The following DGKI variants were observed in gnomAD, a reference collection of about 807,000 sequenced individuals.
DGKI encodes DAG kinase iota.
Under a neutral mutation model 147.5 loss-of-function variants are expected in DGKI, and 55 were observed. That is an observed-to-expected ratio of 0.37 (90% CI 0.30 to 0.47). The LOEUF (loss-of-function observed/expected upper bound fraction) is 0.47, where lower values mean the gene tolerates loss of function less well. DGKI is among the 20% of genes least tolerant of loss of function. The probability of loss-of-function intolerance (pLI) is 1.00; values close to 1 mark genes in which losing one functional copy is unlikely to be tolerated. For synonymous variants in DGKI, 469 were observed against 477.1 expected (o/e 0.98, Z 0.22); for missense variants, 1,007 against 1,323.8 (o/e 0.76, Z 3.71).
At chr7:137,468,224 T>C (rs919529947) in intron 24 of DGKI, among the ~76,000 whole-genome samples, 7 of 152,158 alleles carry the variant, frequency 4.6e-5, no homozygotes, top group African/African-American at 9.7e-5. Flanking sequence ...AACCTAAGAA[T>C]AGAATAAAAT....
chr7:137,535,125 G>A (rs1003915927), intron 20 of DGKI, among the ~76,000 whole-genome samples: 1 of 152,124 alleles, frequency 6.6e-6, no homozygotes, highest in African/African-American at 2.4e-5. Flanking sequence ...GTGGTACTTT[G>A]TTATGGCAGT....
At chr7:137,394,250 G>A (rs1047686487) in intron 32 of DGKI, among the ~76,000 whole-genome samples, 7 of 152,112 alleles carry the variant, frequency 4.6e-5, no homozygotes, top group Non-Finnish European at 7.4e-5. Flanking sequence ...ATGGAAATTC[G>A]TAAACTTTCT....
At chr7:137,546,742 A>T (rs1290193139) in intron 20 of DGKI, among the ~76,000 whole-genome samples, 1 of 152,116 alleles carries the variant, frequency 6.6e-6, no homozygotes, top group Non-Finnish European at 1.5e-5. Flanking sequence ...TCTCTTATTT[A>T]AAGAGTTTCA....
rs115134724 is a variant in DGKI, at chr7:137,554,443, C to T, written c.1948-1875G>A. On this transcript the variant is annotated intron_variant, in intron 19 of 32. Transcript: ENST00000614521. ...CTAGCATGTGTTAGTCTTCTGAGAA[C>T]GTCAGATATTGCTTTTCTGTGACTT... 5.9e-3 allele frequency among the ~76,000 whole-genome samples: 893 copies of T among 152,226 alleles called. 6 individuals are homozygous for T. The highest frequency in any genetic ancestry group is 0.021 in the African/African-American group (854 of 41,522).
intron 30 of DGKI, among the ~76,000 whole-genome samples, chr7:137,402,732 C>G (rs897498366): frequency 6.6e-6 from 1 of 152,144 alleles, no homozygotes; most frequent in Non-Finnish European, 1.5e-5. Flanking sequence ...CCAAATCCTC[C>G]CCTGCCACAG....
chr7:137,769,630 GA>G (rs929667916), intron 1 of DGKI, among the ~76,000 whole-genome samples: 1 of 149,838 alleles, frequency 6.7e-6, no homozygotes, highest in African/African-American at 2.5e-5. Flanking sequence ...AAATTTACAA[GA>G]AAAAAAAACA....
chr7:137,417,996 A>G (rs895681582), intron 28 of DGKI, among the ~76,000 whole-genome samples: 9 of 152,230 alleles, frequency 5.9e-5, no homozygotes, highest in Admixed American at 2.6e-4. Flanking sequence ...TCCTAGCAGC[A>G]GGAACAGACT....
intron 19 of DGKI, among the ~76,000 whole-genome samples, chr7:137,554,914 C>CTTTTTTT (rs757320303): frequency 5.3e-4 from 57 of 107,406 alleles, no homozygotes; most frequent in East Asian, 1.1e-3. Context: ...AAACTATTTT[C>CTTTTTTT]TTTTTTTTTT....
In DGKI at chr7:137,654,656, T is replaced by C. The variant is rs1822154657; in HGVS notation, c.738+76A>G. Reference sequence around the variant, plus strand: ...GAGATAGAATTTATTTTTTATTCCCTGGTGAATATCTATGAATCCACTGAA... The same window carrying C: ...GAGATAGAATTTATTTTTTATTCCCCGGTGAATATCTATGAATCCACTGAA... On this transcript the variant is annotated intron_variant, in intron 5 of 32. Transcript: ENST00000614521. 29 of 1,067,638 alleles carry C rather than the reference T, an allele frequency of 2.7e-5. No individual in the cohort carries two copies. In the South Asian group the frequency reaches 3.6e-4, roughly 13 times the overall value. 66.1% of individuals were successfully genotyped at this position (1,067,638 alleles called of 1,614,324 possible). A position where few individuals can be genotyped will look rare whatever the true frequency, so the allele number is the denominator to read the frequency against.
At chr7:137,474,796 G>A (rs968398755) in intron 23 of DGKI, among the ~76,000 whole-genome samples, 1 of 152,180 alleles carries the variant, frequency 6.6e-6, no homozygotes, top group Non-Finnish European at 1.5e-5. Flanking sequence ...AAGCCCAGAG[G>A]CGGCGGAAGG....
chr7:137,556,924 G>A (rs1312410168), intron 19 of DGKI, among the ~76,000 whole-genome samples: 1 of 152,044 alleles, frequency 6.6e-6, no homozygotes, highest in Non-Finnish European at 1.5e-5. Flanking sequence ...ATTTAACTCA[G>A]TAGACTTTGA....
At chr7:137,706,663 C>T (rs1794040690) in intron 1 of DGKI, among the ~76,000 whole-genome samples, 1 of 151,596 alleles carries the variant, frequency 6.6e-6, no homozygotes, top group East Asian at 1.9e-4. Context: ...ACCTCCGCCT[C>T]CCGGGTTCAA....
chr7:137,824,555 T>C (rs1798001372), intron 1 of DGKI, among the ~76,000 whole-genome samples: 1 of 151,950 alleles, frequency 6.6e-6, no homozygotes, highest in Non-Finnish European at 1.5e-5. Flanking sequence ...ATGGAATTAT[T>C]GGGTTTTATT....
chr7:137,495,111 G>A (rs1437565605), intron 21 of DGKI, among the ~76,000 whole-genome samples: 1 of 151,912 alleles, frequency 6.6e-6, no homozygotes, highest in African/African-American at 2.4e-5. Flanking sequence ...AATCAGAAGT[G>A]ACACTTCTGA....
chr7:137,782,285 G>A (rs977702807), intron 1 of DGKI, among the ~76,000 whole-genome samples: 5 of 152,142 alleles, frequency 3.3e-5, no homozygotes, highest in African/African-American at 1.2e-4. Flanking sequence ...CATTAGGACT[G>A]CAGGCTGTGT....
chr7:137,404,762 C>A (rs867972190), intron 30 of DGKI, among the ~76,000 whole-genome samples: 1 of 152,088 alleles, frequency 6.6e-6, no homozygotes, highest in African/African-American at 2.4e-5. Context: ...AAAATAAGCA[C>A]CCCCACCCCC....
Position 137,661,492 on chromosome 7 carries a change from G to C in DGKI, c.607-4952C>G, listed in dbSNP as rs1000859312. On this transcript the variant is annotated intron_variant, in intron 3 of 32. Transcript: ENST00000614521. ...GGGCATGCTGGGGAAAGGGCCAGAGGGGGGCCACATGGTGAGAAGCCAAGG... is the reference window on the plus strand; with the variant it reads ...GGGCATGCTGGGGAAAGGGCCAGAGCGGGGCCACATGGTGAGAAGCCAAGG... 4.6e-5 allele frequency among the ~76,000 whole-genome samples: 7 copies of C among 152,226 alleles called. No homozygotes were observed. The South Asian group carries it at 8.3e-4, about 18-fold the overall frequency.
intron 21 of DGKI, among the ~76,000 whole-genome samples, chr7:137,489,757 T>C (rs1340156824): frequency 6.6e-6 from 1 of 152,166 alleles, no homozygotes; most frequent in Non-Finnish European, 1.5e-5. Context: ...TGTGCAAAAA[T>C]AGAAAATAGA....
intron 1 of DGKI, among the ~76,000 whole-genome samples, chr7:137,708,099 C>T (rs1417453302): frequency 6.6e-6 from 1 of 152,168 alleles, no homozygotes; most frequent in Non-Finnish European, 1.5e-5. Flanking sequence ...CCTATTCCTG[C>T]CTGGCAGTAC....
Sources: allele counts gnomAD v4.1 joint callset (sites outside exome capture counted in the v4.1 genomes callset), GRCh38; gene constraint gnomAD v4.1.1; transcripts MANE v1.5; gene names NCBI Gene and HGNC (gene_info 2026-07-23, HGNC 2026-07-21).